The following SLC23A2 variants were observed in gnomAD, a reference collection of about 807,000 sequenced individuals.
SLC23A2 encodes the protein solute carrier family 23 member 2, also known as Na(+)/L-ascorbic acid transporter 2.
In SLC23A2, 36 loss-of-function variants were observed where a neutral mutation model predicts 73.3. That is an observed-to-expected ratio of 0.49 (90% confidence interval 0.38 to 0.65). The LOEUF is 0.65. Ranked by LOEUF, SLC23A2 falls within the 30% of genes least tolerant of loss-of-function variation. SLC23A2 has a pLI of 0.00. For missense variants in SLC23A2, 507 were observed against 841.6 expected, an observed-to-expected ratio of 0.60 and a Z score of 4.92; for synonymous variants, 343 against 327.3, an observed-to-expected ratio of 1.05 and a Z score of -0.52.
intron 2 of SLC23A2, among the ~76,000 whole-genome samples, chr20:4,955,292 G>A (rs1044181939): frequency 3.4e-5 from 5 of 147,196 alleles, no homozygotes; most frequent in Admixed American, 2.7e-4. Context: ...CTCAAATAAT[G>A]GAAAAGGGAA....
chr20:4,945,099 G>T (rs1342680784), intron 2 of SLC23A2, among the ~76,000 whole-genome samples: 1 of 152,090 alleles, frequency 6.6e-6, no homozygotes, highest in African/African-American at 2.4e-5. Context: ...CGACTTCAGG[G>T]AGTTTGCAAT....
chr20:4,967,906 T>C (rs569728252), intron 2 of SLC23A2, among the ~76,000 whole-genome samples: 3 of 152,306 alleles, frequency 2.0e-5, no homozygotes, highest in African/African-American at 7.2e-5. Flanking sequence ...ATCACCTGTA[T>C]GTTATTAATG....
chr20:4,912,836 G>C, intron 4 of SLC23A2, 44 bp downstream of exon 4: 1 of 1,219,384 alleles, frequency 8.2e-7, no homozygotes, highest in South Asian at 1.2e-5. Context: ...CTTGTGGGAG[G>C]GGATGGCGGT....
Position 4,862,990 on chromosome 20 carries a change from G to A in SLC23A2, c.1357-83C>T, listed in dbSNP as rs1015483026. 1 of 1,415,060 alleles carries A rather than the reference G, an allele frequency of 7.1e-7. No individual in the cohort carries two copies. The highest frequency in any genetic ancestry group is 1.2e-5 in the South Asian group (1 of 80,916). The allele number at this position is 1,415,060 out of a possible 1,614,324, so 87.7% of individuals were successfully genotyped here. On this transcript the variant is annotated intron_variant, in intron 13 of 16. Transcript: ENST00000338244. This position sits in a 1 kb window ranked among gnomAD's most constrained non-coding sequence, Gnocchi z 5.1. ...AAGTTACTAAAGAACACACAGCAGA[G>A]ATACCCATGGCCTGGCTCGCTACCT...
chr20:4,968,144 A>G (rs747907826), intron 2 of SLC23A2, among the ~76,000 whole-genome samples: 11 of 152,302 alleles, frequency 7.2e-5, no homozygotes, highest in Admixed American at 1.3e-4. Flanking sequence ...GAGAAAACAC[A>G]TACAACCATA....
intron 2 of SLC23A2, among the ~76,000 whole-genome samples, chr20:4,969,494 T>A (rs1051915821): frequency 3.3e-5 from 5 of 152,202 alleles, no homozygotes; most frequent in African/African-American, 1.2e-4. Context: ...CACATAAAAT[T>A]TTTTTAAAAC....
At chr20:4,932,282 A>G (rs1932798557) in intron 3 of SLC23A2, among the ~76,000 whole-genome samples, 173 bp downstream of exon 3, 1 of 152,218 alleles carries the variant, frequency 6.6e-6, no homozygotes, top group Non-Finnish European at 1.5e-5. Context: ...CCAGGCTGAG[A>G]GCACAGCTAA....
At chr20:4,876,403 C>T (rs1305287202) in intron 9 of SLC23A2, among the ~76,000 whole-genome samples, 1 of 152,200 alleles carries the variant, frequency 6.6e-6, no homozygotes, top group African/African-American at 2.4e-5. Context: ...GATTAGGTAG[C>T]AGATGAACAT....
intron 2 of SLC23A2, among the ~76,000 whole-genome samples, chr20:4,942,348 A>G (rs113004410): frequency 0.025 from 3,782 of 150,586 alleles, 164 homozygotes; most frequent in African/African-American, 0.088. Flanking sequence ...CACTACCTTA[A>G]AGGAAGCAGG....
At chr20:4,963,681 C>G (rs191386160) in intron 2 of SLC23A2, among the ~76,000 whole-genome samples, 1 of 152,180 alleles carries the variant, frequency 6.6e-6, no homozygotes, top group East Asian at 1.9e-4. Flanking sequence ...AAACTCGTCT[C>G]TACTAAAAAT....
rs76318576 is a variant in SLC23A2 at position 4,986,227 on chromosome 20, G to A, written c.-282+15179C>T. Among the ~76,000 whole-genome samples the A allele has an allele frequency of 0.012, 1,872 of 152,136 alleles. 57 individuals carry two copies. In the South Asian group the frequency reaches 0.14, roughly 11 times the overall value. On this transcript the variant is annotated intron_variant, in intron 1 of 16. Transcript: ENST00000338244. The stretch of plus-strand genomic sequence containing the variant: ...TCATGCCTATAATCCCAGCAGAGGC[G>A]GGGGCAGGAGGATGGTTTGAACCCA...
intron 4 of SLC23A2, among the ~76,000 whole-genome samples, chr20:4,909,266 C>T (rs1932061678): frequency 6.6e-6 from 1 of 152,086 alleles, no homozygotes; most frequent in South Asian, 2.1e-4. Flanking sequence ...CAAAATGCTC[C>T]AATGAGCAAG....
intron 3 of SLC23A2, among the ~76,000 whole-genome samples, chr20:4,924,693 T>C (rs1431122087): frequency 1.3e-5 from 2 of 152,194 alleles, no homozygotes; most frequent in African/African-American, 4.8e-5. Context: ...GCCTTTGCCC[T>C]TGAGGCCCAC....
intron 1 of SLC23A2, among the ~76,000 whole-genome samples, chr20:4,999,981 G>C (rs1045632066): frequency 6.6e-6 from 1 of 152,166 alleles, no homozygotes; most frequent in African/African-American, 2.4e-5. Flanking sequence ...ACATGGAACA[G>C]GCTGGACACA....
chr20:4,949,915 G>A (rs979319284), intron 2 of SLC23A2, among the ~76,000 whole-genome samples: 8 of 152,148 alleles, frequency 5.3e-5, no homozygotes, highest in Admixed American at 2.0e-4. Flanking sequence ...CTTCTGTGCC[G>A]GTGTCTGTGC....
At chr20:4,993,074 C>T (rs532516780) in intron 1 of SLC23A2, among the ~76,000 whole-genome samples, 23 of 151,652 alleles carry the variant, frequency 1.5e-4, no homozygotes, top group Non-Finnish European at 2.8e-4. Context: ...GTCAGGAGAT[C>T]GAGCCCATCC....
At chr20:4,867,291 C>A (rs1008880360) in intron 13 of SLC23A2, among the ~76,000 whole-genome samples, 3 of 152,082 alleles carry the variant, frequency 2.0e-5, no homozygotes, top group Non-Finnish European at 4.4e-5. Context: ...CGCTCTCCCC[C>A]AGGTTATTTG....
At chr20:4,913,656 G>A (rs564790196) in intron 3 of SLC23A2, among the ~76,000 whole-genome samples, 17 of 151,882 alleles carry the variant, frequency 1.1e-4, no homozygotes, top group Admixed American at 7.2e-4. Flanking sequence ...AGACGATGTC[G>A]CGCTCTGTCG....
intron 4 of SLC23A2, among the ~76,000 whole-genome samples, chr20:4,909,565 T>C: frequency 6.6e-6 from 1 of 152,142 alleles, no homozygotes; most frequent in Non-Finnish European, 1.5e-5. Context: ...AAAAGGTCTC[T>C]TTTGTTTTGA....
Sources: gnomAD v4.1 joint callset for allele counts (sites outside exome capture counted in the v4.1 genomes callset) on GRCh38, gnomAD v4.1.1 for gene constraint, Gnocchi (gnomAD v3.1) non-coding constraint, MANE v1.5 for transcripts, NCBI Gene and HGNC (gene_info 2026-07-23, HGNC 2026-07-21) for gene names.